Variants in NR2F6 observed in about 807,000 individuals in gnomAD.
The protein encoded by NR2F6 is nuclear receptor subfamily 2 group F member 6.
Under a neutral mutation model 26.5 loss-of-function variants are expected in NR2F6, and 16 were observed. The observed-to-expected ratio is 0.60, with a 90% CI of 0.41 to 0.92. NR2F6 has a LOEUF of 0.92. Among genes scored for constraint, NR2F6 ranks in the 40% least tolerant of loss-of-function variants. The pLI, the probability that NR2F6 is intolerant of heterozygous loss-of-function variation, is 0.00. For missense variants in NR2F6, 536 were observed against 631.7 expected (o/e 0.85, Z 1.62); for synonymous variants, 325 against 305.0 (o/e 1.07, Z -0.68).
intron 3 of NR2F6, among the ~76,000 whole-genome samples, chr19:17,233,949 G>A (rs2073421824): frequency 6.6e-6 from 1 of 152,114 alleles, no homozygotes; most frequent in Non-Finnish European, 1.5e-5. Context: ...GGAAGGCCAG[G>A]CGCGGTGGCT....
At chr19:17,240,577 G>T in intron 2 of NR2F6, 94 bp downstream of exon 2, 1 of 1,194,412 alleles carries the variant, frequency 8.4e-7, no homozygotes, top group African/African-American at 1.5e-5. Flanking sequence ...AGGGAGGGGT[G>T]AAAGGGAGGG....
intron 1 of NR2F6, 38 bp from the exon 2 acceptor site, chr19:17,240,803 C>CA: frequency 1.2e-6 from 2 of 1,600,746 alleles, no homozygotes; most frequent in Non-Finnish European, 1.7e-6. Flanking sequence ...CTGAGACCCC[C>CA]ATATCCTCCT....
At chr19:17,234,262 A>C (rs921611759) in intron 3 of NR2F6, among the ~76,000 whole-genome samples, 3 of 152,028 alleles carry the variant, frequency 2.0e-5, no homozygotes. Context: ...AACAATAAAT[A>C]AAGCCATATT....
At chr19:17,237,285 TTG>T (rs1599454642) in intron 2 of NR2F6, among the ~76,000 whole-genome samples, 1 of 152,088 alleles carries the variant, frequency 6.6e-6, no homozygotes, top group Non-Finnish European at 1.5e-5. Context: ...GTTCACTGGG[TTG>T]TGAGCAACCA....
At position 17,245,284 on chromosome 19, in the gene NR2F6, C is replaced by T; in HGVS notation, c.-64G>A. 4 of 1,181,866 alleles carry T rather than the reference C, an allele frequency of 3.4e-6. No individual in the cohort carries two copies. The highest frequency in any genetic ancestry group is 4.2e-6 in the Non-Finnish European group (4 of 954,366). The allele number at this position is 1,181,866 out of a possible 1,614,324, so 73.2% of individuals were successfully genotyped here. On this transcript the variant is annotated 5_prime_UTR_variant, in exon 1 of 4. Coordinates refer to ENST00000291442, the MANE Select transcript of NR2F6 (RefSeq NM_005234.4). This position sits in a 1 kb window ranked among gnomAD's most constrained non-coding sequence, Gnocchi z 5.0. ...TCTTCCCTCCGGGCACCCCTCTCGGCCCGGGGGACCCTACGCGGCGCGCAT... is the reference window on the plus strand; with the variant it reads ...TCTTCCCTCCGGGCACCCCTCTCGGTCCGGGGGACCCTACGCGGCGCGCAT...
intron 2 of NR2F6, among the ~76,000 whole-genome samples, chr19:17,237,078 G>GTCAACTC (rs1343613657): frequency 1.3e-5 from 2 of 152,224 alleles, no homozygotes; most frequent in Non-Finnish European, 2.9e-5. Flanking sequence ...TGAACTCCAG[G>GTCAACTC]TCAACTCTGT....
At chr19:17,241,040 G>T (rs1447411290) in intron 1 of NR2F6, among the ~76,000 whole-genome samples, 2 of 152,206 alleles carry the variant, frequency 1.3e-5, no homozygotes, top group African/African-American at 4.8e-5. Context: ...AGGATGAATA[G>T]GAGTTCTCCA....
Position 17,236,046 on chromosome 19 carries a change from G to A in NR2F6, c.393C>T (p.Ile131=), listed in dbSNP as rs1469617405. The A allele has an allele frequency of 9.7e-6, 13 of 1,346,560 alleles. No individual in the cohort carries two copies. The highest frequency in any genetic ancestry group is 1.6e-5 in the African/African-American group (1 of 63,286). The allele number at this position is 1,346,560 out of a possible 1,614,324, so 83.4% of individuals were successfully genotyped here. The change falls in exon 3 of 4, where the codon ATC becomes ATT. Residue 131 remains isoleucine, a synonymous_variant. Transcript: ENST00000291442. ...CCACGGCACCAGGCAGCGAGTGCGG[G>A]ATGCGGCCGCGCTGCACCGCTGCGG... ...MRKEAVQRGR[I]PHSLPGAVAA... is the part of the protein sequence containing the mutation.
intron 1 of NR2F6, among the ~76,000 whole-genome samples, chr19:17,242,796 C>G (rs1394378564): frequency 6.6e-6 from 1 of 152,224 alleles, no homozygotes; most frequent in Non-Finnish European, 1.5e-5. Flanking sequence ...TCAGTCTCAA[C>G]TTCCCCAGCT....
In NR2F6 at chr19:17,235,962, G is replaced by C. The variant is rs1356625232; in HGVS notation, c.477C>G (p.Asp159Glu). The stretch of plus-strand genomic sequence containing the variant: ...CGGACACCGGCTGCCCCGGGAAGAG[G>C]TCTCCGCCGCTCGCCACTGCCGCCA... ...SALAAVASGGDLFPGQPVSEL... is the reference protein window; with the variant it reads ...SALAAVASGGELFPGQPVSEL... The change falls in exon 3 of 4, where the codon GAC (aspartate) becomes GAG (glutamate). Residue 159 changes from aspartate to glutamate, a missense_variant. By Grantham distance (45) the Asp-to-Glu change is conservative (BLOSUM62 2). Transcript: ENST00000291442. The surrounding 1 kb of genome is among the most constrained non-coding windows in gnomAD (Gnocchi z 5.0). 1.4e-6 allele frequency: 2 copies of C among 1,475,026 alleles called. No homozygotes were observed. The highest frequency in any genetic ancestry group is 2.6e-5 in the South Asian group (2 of 77,782). 91.4% of individuals were successfully genotyped at this position (1,475,026 alleles called of 1,614,324 possible).
chr19:17,244,441 A>T (rs997765373), intron 1 of NR2F6: 8 of 148,304 alleles, frequency 5.4e-5, no homozygotes, highest in African/African-American at 1.8e-4. Context: ...CCGCCTCCGT[A>T]GCCACAGCGA....
At chr19:17,239,077 G>A (rs1311624662) in intron 2 of NR2F6, among the ~76,000 whole-genome samples, 1 of 152,080 alleles carries the variant, frequency 6.6e-6, no homozygotes, top group Non-Finnish European at 1.5e-5. Flanking sequence ...GGTGACTCAC[G>A]CCTGTAATCC....
chr19:17,232,476 G>A lies in NR2F6; in HGVS notation c.1091C>T (p.Pro364Leu), dbSNP rs2073412688. ...GAACAGCTGGGAGATGAGGGAGGCA[G>A]GGACCGCGCGCAGGGCGGGGAGCCG... ...LLRLPALRAV[P>L]ASLISQLFFM... The change falls in exon 4 of 4, where the codon CCT becomes CTT. Residue 364 changes from proline (P) to leucine (L), a missense_variant. Transcript: ENST00000291442. 5 of 1,613,430 alleles carry A rather than the reference G, an allele frequency of 3.1e-6. No homozygotes were observed. Among genetic ancestry groups the A allele is most frequent in the Non-Finnish European group, 4.2e-6 (5 of 1,179,848 alleles).
intron 3 of NR2F6, among the ~76,000 whole-genome samples, chr19:17,234,419 C>G (rs1266492810): frequency 6.6e-6 from 1 of 152,072 alleles, no homozygotes; most frequent in African/African-American, 2.4e-5. Flanking sequence ...GCCTGAGCCA[C>G]CTTGCAGGCC....
chr19:17,238,586 T>C (rs1234541701), intron 2 of NR2F6, among the ~76,000 whole-genome samples: 1 of 152,180 alleles, frequency 6.6e-6, no homozygotes, highest in Admixed American at 6.5e-5. Context: ...CTGTTTGCTC[T>C]GAGGCCATGA....
At position 17,245,272 on chromosome 19, in the gene NR2F6, C is replaced by T; in HGVS notation, c.-52G>A. On this transcript the variant is annotated 5_prime_UTR_variant, in exon 1 of 4. Transcript: ENST00000291442. The surrounding 1 kb of genome is among the most constrained non-coding windows in gnomAD (Gnocchi z 5.0). ...CCCCCACCGCGCTCTTCCCTCCGGG[C>T]ACCCCTCTCGGCCCGGGGGACCCTA... is the stretch of plus-strand genomic sequence containing the variant. 1 of 1,207,218 alleles carries T rather than the reference C, an allele frequency of 8.3e-7. No individual in the cohort carries two copies. 74.8% of individuals were successfully genotyped at this position (1,207,218 alleles called of 1,614,324 possible).
chr19:17,233,311 C>CAAACA (rs143909942), intron 3 of NR2F6, among the ~76,000 whole-genome samples: 14,579 of 145,084 alleles, frequency 0.1, 989 homozygotes, highest in African/African-American at 0.19. Context: ...GACCCTGTCT[C>CAAACA]AAACAAAACA....
At chr19:17,243,554 TA>T (rs2073480204) in intron 1 of NR2F6, among the ~76,000 whole-genome samples, 1 of 148,974 alleles carries the variant, frequency 6.7e-6, no homozygotes. Flanking sequence ...TTACCCTCCC[TA>T]AAGATATGAC....
In NR2F6 at chr19:17,245,312, G is replaced by C. The variant is rs908203718; in HGVS notation, c.-92C>G. ...GGGGGACCCTACGCGGCGCGCATTCGGCCCCGGCGCGCGGGGGGCACGGGC... is the reference window on the plus strand; with the variant it reads ...GGGGGACCCTACGCGGCGCGCATTCCGCCCCGGCGCGCGGGGGGCACGGGC... On this transcript the variant is annotated 5_prime_UTR_variant, in exon 1 of 4. Transcript: ENST00000291442. This position sits in a 1 kb window ranked among gnomAD's most constrained non-coding sequence, Gnocchi z 5.0. 15 of 1,105,140 alleles carry C rather than the reference G, an allele frequency of 1.4e-5. No individual in the cohort carries two copies. The African/African-American group carries it at 2.5e-4, about 18-fold the overall frequency. The allele number at this position is 1,105,140 out of a possible 1,614,324, so 68.5% of individuals were successfully genotyped here. A position where few individuals can be genotyped will look rare whatever the true frequency, so the allele number is the denominator to read the frequency against.
Sources: allele counts gnomAD v4.1 joint callset (sites outside exome capture counted in the v4.1 genomes callset), GRCh38; gene constraint gnomAD v4.1.1; non-coding constraint Gnocchi (gnomAD v3.1); transcripts MANE v1.5; gene names NCBI Gene and HGNC (gene_info 2026-07-23, HGNC 2026-07-21).